Variants in VOPP1 observed in about 807,000 individuals in gnomAD.
VOPP1 encodes VOPP1 WW domain binding protein.
VOPP1 carries 8 observed loss-of-function variants against 23.5 expected under a neutral mutation model. The ratio of observed to expected loss-of-function variants is 0.34; its 90% CI spans 0.20 to 0.61. VOPP1 has a LOEUF of 0.61. Among genes scored for constraint, VOPP1 ranks in the 20% least tolerant of loss-of-function variants. The pLI is 0.78. For missense variants in VOPP1, 174 were observed against 238.1 expected (o/e 0.73, Z 1.77); for synonymous variants, 83 against 97.3 (o/e 0.85, Z 0.86).
At chr7:55,464,001 T>C (rs887545511) in intron 4 of VOPP1, among the ~76,000 whole-genome samples, 7 of 152,166 alleles carry the variant, frequency 4.6e-5, no homozygotes, top group Non-Finnish European at 7.3e-5. Context: ...CCAATGTACA[T>C]GGCAACTGGC....
intron 3 of VOPP1, among the ~76,000 whole-genome samples, chr7:55,494,125 C>G (rs532387826): frequency 2.0e-5 from 3 of 152,060 alleles, no homozygotes; most frequent in Non-Finnish European, 4.4e-5. Context: ...ATGGGGAGCC[C>G]GGAGACCCAA....
rs553569137 is a variant in VOPP1 at position 55,507,583 on chromosome 7, T to C, written c.114-9893A>G. Reference sequence around the variant, plus strand: ...GTCTGCGAGAAAATAACATTTTTAATAGAACTTTCATCTTTCCAAACACAA... The same window carrying C: ...GTCTGCGAGAAAATAACATTTTTAACAGAACTTTCATCTTTCCAAACACAA... On this transcript the variant is annotated intron_variant, in intron 2 of 4. Coordinates refer to ENST00000285279, the MANE Select transcript of VOPP1 (RefSeq NM_030796.5). 1.3e-4 allele frequency among the ~76,000 whole-genome samples: 20 copies of C among 152,330 alleles called. 1 individual carries two copies. The South Asian group carries it at 4.1e-3, about 32-fold the overall frequency.
intron 1 of VOPP1, among the ~76,000 whole-genome samples, chr7:55,534,039 C>G (rs1213703290): frequency 6.6e-6 from 1 of 151,984 alleles, no homozygotes; most frequent in Non-Finnish European, 1.5e-5. Flanking sequence ...GCAAACTGTA[C>G]AGCTGTCTCC....
At chr7:55,436,018 G>A (rs1214950898), downstream of VOPP1, 4 of 152,318 alleles carry the variant, frequency 2.6e-5, no homozygotes, top group Admixed American at 2.0e-4. Flanking sequence ...AGTGAGGTGA[G>A]GACAGCTAGC....
chr7:55,490,435 G>C (rs1206298367), intron 4 of VOPP1, among the ~76,000 whole-genome samples: 1 of 152,122 alleles, frequency 6.6e-6, no homozygotes, highest in African/African-American at 2.4e-5. Flanking sequence ...GCATGCCAGG[G>C]TTCAAAAGAA....
At chr7:55,497,450 C>G (rs184790640) in intron 3 of VOPP1, among the ~76,000 whole-genome samples, 163 bp downstream of exon 3, 5 of 152,028 alleles carry the variant, frequency 3.3e-5, no homozygotes, top group Non-Finnish European at 7.3e-5. Context: ...CGTGCAACTG[C>G]CGGTCATGAA....
chr7:55,511,305 G>A (rs944379599), intron 2 of VOPP1, among the ~76,000 whole-genome samples: 1 of 152,160 alleles, frequency 6.6e-6, no homozygotes, highest in Non-Finnish European at 1.5e-5. Flanking sequence ...GTATTTAGTA[G>A]AATATAAGTA....
At chr7:55,506,255 C>T (rs1265382561) in intron 2 of VOPP1, among the ~76,000 whole-genome samples, 1 of 152,352 alleles carries the variant, frequency 6.6e-6, no homozygotes, top group South Asian at 2.1e-4. Context: ...CTAACTCTTG[C>T]AAGCTCACTT....
Position 55,539,051 on chromosome 7 carries a change from G to A in VOPP1, c.55-17921C>T, listed in dbSNP as rs1796983563. On this transcript the variant is annotated intron_variant, in intron 1 of 4. Coordinates refer to ENST00000285279, the MANE Select transcript of VOPP1 (RefSeq NM_030796.5). ...TCCTTTAAAAAAAAAGGGGGGGGGG[G>A]AGGGGCGGGGTGCCGGGTGTGATGG... 8.7e-5 allele frequency among the ~76,000 whole-genome samples: 11 copies of A among 125,720 alleles called. 1 individual carries two copies. In the South Asian group the frequency reaches 3.4e-3, roughly 39 times the overall value. 82.5% of individuals were successfully genotyped at this position (125,720 alleles called of 152,430 possible).
intron 1 of VOPP1, among the ~76,000 whole-genome samples, chr7:55,534,828 G>T (rs544447198): frequency 3.2e-4 from 49 of 152,270 alleles, no homozygotes; most frequent in African/African-American, 1.0e-3. Context: ...AAGTACCACC[G>T]CCCACTAGCT....
chr7:55,457,998 T>C (rs1791410848), intron 4 of VOPP1, among the ~76,000 whole-genome samples: 1 of 152,218 alleles, frequency 6.6e-6, no homozygotes, highest in African/African-American at 2.4e-5. Context: ...CACAAAATTT[T>C]TGCCTTGACC....
chr7:55,571,970 T>C, intron 1 of VOPP1: 1 of 323,988 alleles, frequency 3.1e-6, no homozygotes, highest in Non-Finnish European at 5.7e-6. Context: ...GGGCGGACGG[T>C]GCACAAAGGT....
chr7:55,516,932 A>ATATATTT (rs1562947689), intron 2 of VOPP1, among the ~76,000 whole-genome samples: 1 of 45,158 alleles, frequency 2.2e-5, no homozygotes, highest in African/African-American at 1.2e-4. Flanking sequence ...ATATATATAT[A>ATATATTT]TTTTTTTTTT....
intron 1 of VOPP1, among the ~76,000 whole-genome samples, chr7:55,531,685 C>CA (rs1468037511): frequency 6.6e-6 from 1 of 151,996 alleles, no homozygotes; most frequent in African/African-American, 2.4e-5. Context: ...TTGCAGAGTG[C>CA]AAGAGTAACA....
At chr7:55,483,271 G>A (rs1291030762) in intron 4 of VOPP1, among the ~76,000 whole-genome samples, 1 of 152,122 alleles carries the variant, frequency 6.6e-6, no homozygotes, top group Non-Finnish European at 1.5e-5. Context: ...CTGGGGTGAG[G>A]GAGAGCCTGC....
intron 4 of VOPP1, among the ~76,000 whole-genome samples, chr7:55,439,586 G>A (rs887964111): frequency 1.3e-5 from 2 of 152,238 alleles, no homozygotes; most frequent in African/African-American, 2.4e-5. Context: ...AGGACGCAGT[G>A]GAAGTGCTGG....
intron 2 of VOPP1, among the ~76,000 whole-genome samples, chr7:55,510,385 C>T (rs747018919): frequency 2.6e-5 from 4 of 151,984 alleles, no homozygotes; most frequent in African/African-American, 9.7e-5. Flanking sequence ...TCATTCAGAC[C>T]GCAATAAACT....
chr7:55,481,438 A>G (rs1792702880), intron 4 of VOPP1, among the ~76,000 whole-genome samples: 1 of 152,200 alleles, frequency 6.6e-6, no homozygotes, highest in Non-Finnish European at 1.5e-5. Context: ...GGAGGCTCTC[A>G]TCAGAGTCTG....
In VOPP1 at chr7:55,445,851, C is replaced by T. The variant is rs551156887; in HGVS notation, n.418-9677G>A. ...ACTTAAATTTAAGAATTAAGTTCAT[C>T]GGCCTTACTAGCCTCATTTCAAGTG... is the stretch of plus-strand genomic sequence containing the variant. On this transcript the variant is annotated intron_variant and non_coding_transcript_variant, in intron 4 of 4. Transcript: ENST00000462326. Among the ~76,000 whole-genome samples the T allele has an allele frequency of 3.3e-5, 5 of 152,296 alleles. No homozygotes were observed. In the South Asian group the frequency reaches 8.3e-4, roughly 25 times the overall value.
Sources: allele counts gnomAD v4.1 joint callset (sites outside exome capture counted in the v4.1 genomes callset), GRCh38; gene constraint gnomAD v4.1.1; transcripts MANE v1.5; gene names NCBI Gene and HGNC (gene_info 2026-07-23, HGNC 2026-07-21).